TAFA1: variants seen among roughly 807,000 people sequenced by gnomAD.
TAFA1 encodes TAFA chemokine like family member 1.
A neutral mutation model predicts 18.5 loss-of-function variants in TAFA1; 4 were observed. That is an observed-to-expected ratio of 0.22 (90% confidence interval 0.11 to 0.49). The LOEUF (loss-of-function observed/expected upper bound fraction) is 0.49, where lower values mean the gene tolerates loss of function less well. Ranked by LOEUF, TAFA1 falls within the 20% of genes least tolerant of loss-of-function variation. The pLI, the probability that TAFA1 is intolerant of heterozygous loss-of-function variation, is 0.98. For synonymous variants in TAFA1, 56 were observed against 55.2 expected (o/e 1.01, Z -0.06); for missense variants, 147 against 169.0 (o/e 0.87, Z 0.72).
intron 2 of TAFA1, among the ~76,000 whole-genome samples, chr3:68,020,907 C>A (rs184466604): frequency 6.6e-6 from 1 of 151,728 alleles, no homozygotes; most frequent in Non-Finnish European, 1.5e-5. Context: ...GGTGTCTGAC[C>A]GGGAGCAGTG....
chr3:68,384,384 G>T (rs1211065129), intron 2 of TAFA1, among the ~76,000 whole-genome samples: 1 of 151,862 alleles, frequency 6.6e-6, no homozygotes, highest in Non-Finnish European at 1.5e-5. Flanking sequence ...TGTTCTCATT[G>T]TTTTAAAAAA....
chr3:68,010,146 CAGAGCCT>C (rs1704442298), intron 2 of TAFA1, among the ~76,000 whole-genome samples: 1 of 152,210 alleles, frequency 6.6e-6, no homozygotes, highest in African/African-American at 2.4e-5. Context: ...ATCTTTCACT[CAGAGCCT>C]TGAATGGAAG....
chr3:68,148,801 AT>A (rs945790438), intron 2 of TAFA1, among the ~76,000 whole-genome samples: 1 of 152,150 alleles, frequency 6.6e-6, no homozygotes. Flanking sequence ...TTATACAGGG[AT>A]TTTTTATCAA....
At chr3:68,314,471 G>T (rs912662155) in intron 2 of TAFA1, among the ~76,000 whole-genome samples, 1 of 152,186 alleles carries the variant, frequency 6.6e-6, no homozygotes, top group Non-Finnish European at 1.5e-5. Context: ...ATGTTCCACA[G>T]ATTGTTGTCA....
chr3:68,191,464 C>G (rs191370694), intron 2 of TAFA1, among the ~76,000 whole-genome samples: 2 of 151,772 alleles, frequency 1.3e-5, no homozygotes, highest in Non-Finnish European at 2.9e-5. Context: ...TTGTGGCACA[C>G]TAACGATGCT....
chr3:68,135,510 C>G (rs1015645511), intron 2 of TAFA1, among the ~76,000 whole-genome samples: 9 of 152,218 alleles, frequency 5.9e-5, no homozygotes, highest in Non-Finnish European at 8.8e-5. Flanking sequence ...CAGGTTGGCT[C>G]TAGCACAATA....
Position 68,314,672 on chromosome 3 carries a change from C to T in TAFA1, c.119-102608C>T, listed in dbSNP as rs1013354881. On this transcript the variant is annotated intron_variant, in intron 2 of 4. Coordinates refer to ENST00000478136, the MANE Select transcript of TAFA1 (RefSeq NM_213609.4). ...GATACTAGTGCTTTATTTGTAAGTGCATTTAGCAAGTGCTTTTATATATGA... is the reference window on the plus strand; with the variant it reads ...GATACTAGTGCTTTATTTGTAAGTGTATTTAGCAAGTGCTTTTATATATGA... Among the ~76,000 whole-genome samples the T allele has an allele frequency of 2.0e-5, 3 of 152,218 alleles. No homozygotes were observed. In the East Asian group the frequency reaches 5.8e-4, roughly 29 times the overall value.
intron 2 of TAFA1, among the ~76,000 whole-genome samples, chr3:68,072,173 G>C (rs1278731232): frequency 6.6e-6 from 1 of 152,108 alleles, no homozygotes; most frequent in Non-Finnish European, 1.5e-5. Context: ...TGTAATCCTT[G>C]AACTGAGGCT....
chr3:68,210,942 G>C (rs751714153), intron 2 of TAFA1, among the ~76,000 whole-genome samples: 1 of 151,960 alleles, frequency 6.6e-6, no homozygotes, highest in Non-Finnish European at 1.5e-5. Flanking sequence ...TTATGGGACT[G>C]GAAGACCCAG....
At chr3:68,330,110 C>A (rs13323221) in intron 2 of TAFA1, among the ~76,000 whole-genome samples, 7,654 of 152,118 alleles carry the variant, frequency 0.05, 237 homozygotes, top group African/African-American at 0.086. Flanking sequence ...TGTGTGTTGG[C>A]CTAATTCTTA....
chr3:68,159,883 T>C (rs1224363367), intron 2 of TAFA1, among the ~76,000 whole-genome samples: 2 of 152,218 alleles, frequency 1.3e-5, no homozygotes, highest in Non-Finnish European at 2.9e-5. Flanking sequence ...AAGCATCCTC[T>C]TTCTGCTGCA....
intron 2 of TAFA1, among the ~76,000 whole-genome samples, chr3:68,083,215 C>T (rs1380306902): frequency 1.3e-5 from 2 of 152,140 alleles, no homozygotes; most frequent in South Asian, 2.1e-4. Context: ...AAACAAAATA[C>T]ATTCTGGGCA....
intron 2 of TAFA1, among the ~76,000 whole-genome samples, chr3:68,034,251 G>A (rs1704998847): frequency 1.3e-5 from 2 of 152,160 alleles, no homozygotes; most frequent in African/African-American, 2.4e-5. Flanking sequence ...ACTTGCTATA[G>A]GATGCTGTTA....
At position 68,544,633 on chromosome 3, in the gene TAFA1, C is replaced by A; in HGVS notation, c.*130C>A. ...ACTTTGACTGGCTACCAGATAATCACAGTGCGTTTACTGTGTGTAACGAAA... is the reference window on the plus strand; with the variant it reads ...ACTTTGACTGGCTACCAGATAATCAAAGTGCGTTTACTGTGTGTAACGAAA... On this transcript the variant is annotated 3_prime_UTR_variant, in exon 5 of 5. Coordinates refer to ENST00000478136, the MANE Select transcript of TAFA1 (RefSeq NM_213609.4). 1 of 922,182 alleles carries A rather than the reference C, an allele frequency of 1.1e-6. No homozygotes were observed. Among genetic ancestry groups the A allele is most frequent in the Non-Finnish European group, 1.7e-6 (1 of 580,694 alleles). 57.1% of individuals were successfully genotyped at this position (922,182 alleles called of 1,614,324 possible). A position where few individuals can be genotyped will look rare whatever the true frequency, so the allele number is the denominator to read the frequency against.
At chr3:68,014,486 C>G (rs985108573) in intron 2 of TAFA1, among the ~76,000 whole-genome samples, 1 of 152,124 alleles carries the variant, frequency 6.6e-6, no homozygotes, top group South Asian at 2.1e-4. Flanking sequence ...GAGGCTGGAG[C>G]TTTCAAGATC....
chr3:68,006,543 C>T, intron 1 of TAFA1, 81 bp from the exon 2 acceptor site: 5 of 872,270 alleles, frequency 5.7e-6, no homozygotes, highest in Non-Finnish European at 9.9e-6. Flanking sequence ...CGTCTGAGAC[C>T]TCCCTTCCCT....
At chr3:68,044,193 A>T (rs1037446802) in intron 2 of TAFA1, among the ~76,000 whole-genome samples, 2 of 152,152 alleles carry the variant, frequency 1.3e-5, no homozygotes, top group Admixed American at 1.3e-4. Flanking sequence ...TCAGACTCTT[A>T]AAGGATTATG....
intron 2 of TAFA1, among the ~76,000 whole-genome samples, chr3:68,153,134 C>A (rs979726948): frequency 1.1e-4 from 17 of 152,180 alleles, no homozygotes; most frequent in Admixed American, 8.5e-4. Context: ...GTCAAGCTAT[C>A]ATTTTCCCCT....
intron 2 of TAFA1, among the ~76,000 whole-genome samples, chr3:68,139,159 T>A (rs1394176723): frequency 6.6e-6 from 1 of 152,234 alleles, no homozygotes; most frequent in East Asian, 1.9e-4. Flanking sequence ...TGCATTGTTA[T>A]ATCCATCATT....
Sources: allele counts gnomAD v4.1 joint callset (sites outside exome capture counted in the v4.1 genomes callset), GRCh38; gene constraint gnomAD v4.1.1; transcripts MANE v1.5; gene names NCBI Gene and HGNC (gene_info 2026-07-23, HGNC 2026-07-21).